NGLY1: variants seen among roughly 807,000 people sequenced by gnomAD.
NGLY1 encodes N-glycanase 1, also known as peptide-N(4)-(N-acetyl-beta-glucosaminyl)asparagine amidase.
NGLY1 carries 68 observed loss-of-function variants against 84.6 expected under a neutral mutation model. That is an observed-to-expected ratio of 0.80 (90% confidence interval 0.66 to 0.98). The LOEUF (loss-of-function observed/expected upper bound fraction) is 0.98, where lower values mean the gene tolerates loss of function less well. NGLY1 is among the 50% of genes least tolerant of loss of function. NGLY1 has a pLI of 0.00. For missense variants in NGLY1, 779 were observed against 770.2 expected, an observed-to-expected ratio of 1.01 and a Z score of -0.14; for synonymous variants, 280 against 275.2, an observed-to-expected ratio of 1.02 and a Z score of -0.17.
exon 1 of NGLY1, chr3:25,790,010 G>C (rs1329949151): frequency 3.0e-6 from 3 of 984,904 alleles, no homozygotes; most frequent in Non-Finnish European, 4.7e-6. Flanking sequence ...GGCGGAAAGA[G>C]AGTCGAACGG....
At chr3:25,770,163 T>C (rs558100617) in intron 2 of NGLY1, among the ~76,000 whole-genome samples, 1 of 152,226 alleles carries the variant, frequency 6.6e-6, no homozygotes, top group African/African-American at 2.4e-5. Flanking sequence ...TCCACTTTTT[T>C]GTTTGAGACA....
chr3:25,744,191 G>T (rs1706301478), intron 4 of NGLY1, among the ~76,000 whole-genome samples: 1 of 152,156 alleles, frequency 6.6e-6, no homozygotes, highest in Non-Finnish European at 1.5e-5. Flanking sequence ...ATCAGTAGAG[G>T]TAGCCTCATC....
At chr3:25,764,369 G>C in intron 2 of NGLY1, 58 bp from the exon 3 acceptor site, 1 of 1,536,142 alleles carries the variant, frequency 6.5e-7, no homozygotes, top group East Asian at 2.2e-5. Context: ...TCATTCTTTT[G>C]TGCACACACA....
At chr3:25,734,909 A>T (rs1705737333) in intron 7 of NGLY1, 7 of 804,926 alleles carry the variant, frequency 8.7e-6, no homozygotes, top group Non-Finnish European at 1.1e-5. Context: ...AATTTTATCC[A>T]TTTTTATTGT....
At chr3:25,733,189 T>C (rs901468911) in intron 8 of NGLY1, among the ~76,000 whole-genome samples, 1 of 152,148 alleles carries the variant, frequency 6.6e-6, no homozygotes, top group African/African-American at 2.4e-5. Flanking sequence ...CAGGAGTAAG[T>C]GCAGATTCAA....
At position 25,768,834 on chromosome 3, in the gene NGLY1, G is replaced by A. The variant is rs565589121; in HGVS notation, c.247-4523C>T. On this transcript the variant is annotated intron_variant, in intron 2 of 11. Coordinates refer to ENST00000280700, the MANE Select transcript of NGLY1 (RefSeq NM_018297.4). The stretch of plus-strand genomic sequence containing the variant: ...TGGGATTACAGGCGTGAGCCACGGC[G>A]CCTGGCCTCATGAGTAAGACTTTAA... Among the ~76,000 whole-genome samples the A allele has an allele frequency of 1.4e-4, 21 of 151,832 alleles. No individual in the cohort carries two copies. In the East Asian group the frequency reaches 2.8e-3, roughly 20 times the overall value.
intron 5 of NGLY1, among the ~76,000 whole-genome samples, chr3:25,738,787 CAT>C (rs1705973713): frequency 6.6e-6 from 1 of 151,942 alleles, no homozygotes; most frequent in Non-Finnish European, 1.5e-5. Flanking sequence ...AAAACAAGCA[CAT>C]GATTAGAAAC....
At chr3:25,790,015 G>T in exon 1 of NGLY1, 3 of 939,384 alleles carry the variant, frequency 3.2e-6, no homozygotes, top group Non-Finnish European at 5.0e-6. Context: ...AAAGAGAGTC[G>T]AACGGGACGC....
At chr3:25,775,724 T>C (rs187447965) in intron 2 of NGLY1, among the ~76,000 whole-genome samples, 4 of 152,166 alleles carry the variant, frequency 2.6e-5, no homozygotes, top group East Asian at 3.9e-4. Context: ...TAGAAAGAGA[T>C]TGGTTAATGG....
intron 3 of NGLY1, among the ~76,000 whole-genome samples, chr3:25,759,289 T>C (rs1469460780): frequency 1.3e-5 from 2 of 150,652 alleles, no homozygotes; most frequent in East Asian, 3.9e-4. Flanking sequence ...GAAACAAATA[T>C]GCTCCTTTAC....
chr3:25,760,246 C>G (rs949858812), intron 3 of NGLY1, among the ~76,000 whole-genome samples: 5 of 151,804 alleles, frequency 3.3e-5, no homozygotes, highest in African/African-American at 1.2e-4. Context: ...CCTTCCAAAC[C>G]TTTAAAAAAA....
intron 1 of NGLY1, among the ~76,000 whole-genome samples, chr3:25,780,106 T>C (rs930720946): frequency 2.0e-5 from 3 of 152,222 alleles, no homozygotes; most frequent in Non-Finnish European, 2.9e-5. Flanking sequence ...AACAAAAACA[T>C]TGTTCTTTAC....
intron 9 of NGLY1, 134 bp downstream of exon 9, chr3:25,732,185 G>A (rs573708427): frequency 2.3e-5 from 16 of 706,032 alleles, no homozygotes; most frequent in Admixed American, 9.1e-5. Flanking sequence ...CTCTTCAAAT[G>A]TTTGCATTTT....
chr3:25,783,464 A>T (rs1327278276), upstream of NGLY1: 4 of 1,363,404 alleles, frequency 2.9e-6, no homozygotes, highest in African/African-American at 1.5e-5. This position sits in a 1 kb window ranked among gnomAD's most constrained non-coding sequence, Gnocchi z 4.5. Context: ...CTCAGCGCGC[A>T]GCAGCTACCG....
chr3:25,755,699 G>A (rs1707004348), intron 3 of NGLY1: 3 of 1,368,810 alleles, frequency 2.2e-6, no homozygotes, highest in Non-Finnish European at 3.0e-6. Flanking sequence ...GTCTAGTCTA[G>A]ATGCATTTCA....
At chr3:25,781,831 A>G (rs956365441) in intron 1 of NGLY1, among the ~76,000 whole-genome samples, 1 of 152,244 alleles carries the variant, frequency 6.6e-6, no homozygotes, top group Non-Finnish European at 1.5e-5. Flanking sequence ...GATTTAAAGC[A>G]GAAGTGAGGC....
chr3:25,753,941 G>A (rs1423851726), intron 3 of NGLY1, among the ~76,000 whole-genome samples: 1 of 152,032 alleles, frequency 6.6e-6, no homozygotes, highest in South Asian at 2.1e-4. Flanking sequence ...CACTGGAATG[G>A]GTGCACAAGA....
chr3:25,779,198 A>G (rs979862933), intron 1 of NGLY1, among the ~76,000 whole-genome samples: 4 of 152,034 alleles, frequency 2.6e-5, no homozygotes, highest in African/African-American at 4.8e-5. Flanking sequence ...CAGCCTCCCA[A>G]AGTGCTGGGG....
At chr3:25,739,033 A>C (rs983999585) in intron 5 of NGLY1, among the ~76,000 whole-genome samples, 8 of 152,334 alleles carry the variant, frequency 5.3e-5, no homozygotes, top group Admixed American at 3.3e-4. Flanking sequence ...ACTTCTGCTA[A>C]TAAGACTGAT....
Sources: allele counts gnomAD v4.1 joint callset (sites outside exome capture counted in the v4.1 genomes callset), GRCh38; gene constraint gnomAD v4.1.1; non-coding constraint Gnocchi (gnomAD v3.1); transcripts MANE v1.5; gene names NCBI Gene and HGNC (gene_info 2026-07-23, HGNC 2026-07-21).